Variants in CSTPP1 observed in about 807,000 individuals in gnomAD.
CSTPP1 encodes centriolar satellite-associated tubulin polyglutamylase complex regulator 1.
At chr11:47,006,586 G>A in the CSTPP1 span, among the ~76,000 whole-genome samples, 1 of 149,496 alleles carries the variant, frequency 6.7e-6, no homozygotes, top group Non-Finnish European at 1.5e-5. Context: ...CTCTGTCTCT[G>A]TCTCTTTTTT....
the CSTPP1 span, among the ~76,000 whole-genome samples, chr11:47,097,604 GC>G: frequency 9.2e-6 from 1 of 108,920 alleles, no homozygotes; most frequent in African/African-American, 3.5e-5. Context: ...CCTCCGCCCG[GC>G]CAGCCGCCCC....
At chr11:47,091,258 C>T in the CSTPP1 span, among the ~76,000 whole-genome samples, 1 of 151,174 alleles carries the variant, frequency 6.6e-6, no homozygotes, top group Non-Finnish European at 1.5e-5. Flanking sequence ...TGGGCACATC[C>T]AGCTACTCGG....
the CSTPP1 span, among the ~76,000 whole-genome samples, chr11:47,104,851 C>G: frequency 6.6e-6 from 1 of 152,188 alleles, no homozygotes; most frequent in Admixed American, 6.5e-5. Flanking sequence ...CAGTCTGATA[C>G]CAGATCTGTG....
At chr11:47,063,703 C>T in the CSTPP1 span, among the ~76,000 whole-genome samples, 1 of 152,180 alleles carries the variant, frequency 6.6e-6, no homozygotes, top group Non-Finnish European at 1.5e-5. Context: ...GTATATACCA[C>T]ATTTTGTTTA....
At chr11:46,984,845 G>A in the CSTPP1 span, among the ~76,000 whole-genome samples, 10 of 152,116 alleles carry the variant, frequency 6.6e-5, no homozygotes, top group South Asian at 6.2e-4. Flanking sequence ...AGGATAAACC[G>A]ATAGAAGAAA....
the CSTPP1 span, among the ~76,000 whole-genome samples, chr11:46,958,455 C>A: frequency 6.6e-6 from 1 of 151,544 alleles, no homozygotes; most frequent in African/African-American, 2.4e-5. Flanking sequence ...TTGGGGGAGT[C>A]CAAAGTTATA....
At chr11:46,940,651 A>G in the CSTPP1 span, among the ~76,000 whole-genome samples, 1 of 152,180 alleles carries the variant, frequency 6.6e-6, no homozygotes, top group Non-Finnish European at 1.5e-5. Flanking sequence ...ATATACACAT[A>G]TATACATGAA....
chr11:47,108,914 T>A, the CSTPP1 span: 1 of 151,718 alleles, frequency 6.6e-6, no homozygotes, highest in African/African-American at 2.4e-5. Flanking sequence ...ACCATGTTGG[T>A]CAGGCTTGTC....
At chr11:47,022,395 A>T in the CSTPP1 span, among the ~76,000 whole-genome samples, 1 of 95,922 alleles carries the variant, frequency 1.0e-5, no homozygotes, top group Non-Finnish European at 1.9e-5. Context: ...TTGGAGACAG[A>T]GTCTTGCCCT....
At chr11:46,959,864 A>G in the CSTPP1 span, among the ~76,000 whole-genome samples, 1 of 143,106 alleles carries the variant, frequency 7.0e-6, no homozygotes, top group Admixed American at 6.7e-5. Context: ...GGGTTTAAAT[A>G]ATTTTTTTTT....
the CSTPP1 span, among the ~76,000 whole-genome samples, chr11:47,107,796 A>G: frequency 6.6e-6 from 1 of 152,316 alleles, no homozygotes; most frequent in Admixed American, 6.5e-5. Context: ...CCCCTGCAAT[A>G]GAGATTTATA....
chr11:47,033,844 T>C, the CSTPP1 span, among the ~76,000 whole-genome samples: 1 of 152,122 alleles, frequency 6.6e-6, no homozygotes, highest in Non-Finnish European at 1.5e-5. Flanking sequence ...CCCCCTGACT[T>C]AGGGGCTGAA....
the CSTPP1 span, among the ~76,000 whole-genome samples, chr11:47,025,530 G>A: frequency 6.6e-6 from 1 of 152,100 alleles, no homozygotes; most frequent in Non-Finnish European, 1.5e-5. Context: ...TCTTGAATAA[G>A]AACAAAGGAT....
chr11:47,009,386 A>G, the CSTPP1 span, among the ~76,000 whole-genome samples: 1 of 152,252 alleles, frequency 6.6e-6, no homozygotes, highest in South Asian at 2.1e-4. Context: ...GCAAGGGATC[A>G]TAAAGGAATC....
chr11:47,080,500 A>G, the CSTPP1 span, among the ~76,000 whole-genome samples: 1 of 152,150 alleles, frequency 6.6e-6, no homozygotes. Context: ...CATTATTTCC[A>G]TTTTTCTGAA....
At chr11:47,162,416 G>A in the CSTPP1 span, among the ~76,000 whole-genome samples, 1 of 152,188 alleles carries the variant, frequency 6.6e-6, no homozygotes, top group Non-Finnish European at 1.5e-5. Flanking sequence ...CAACCTTCCA[G>A]AGGAAAAGTG....
chr11:46,969,103 T>A, the CSTPP1 span, among the ~76,000 whole-genome samples: 26 of 152,276 alleles, frequency 1.7e-4, no homozygotes, highest in African/African-American at 5.1e-4. Context: ...ACATTTTTTT[T>A]AAAAAGATGA....
chr11:47,046,736 G>A, the CSTPP1 span, among the ~76,000 whole-genome samples: 1 of 119,864 alleles, frequency 8.3e-6, no homozygotes. Flanking sequence ...GCGTGATCTC[G>A]GCTCACTGCA....
the CSTPP1 span, among the ~76,000 whole-genome samples, chr11:47,036,805 G>A: frequency 2.4e-5 from 3 of 127,532 alleles, no homozygotes; most frequent in African/African-American, 7.4e-5. Flanking sequence ...AGCCTCCCGA[G>A]TAGCTGGGAT....
Sources: allele counts gnomAD v4.1 joint callset (sites outside exome capture counted in the v4.1 genomes callset), GRCh38; gene constraint gnomAD v4.1.1; transcripts MANE v1.5; gene names NCBI Gene and HGNC (gene_info 2026-07-23, HGNC 2026-07-21).